ST6GALNAC3: variants seen among roughly 807,000 people sequenced by gnomAD.
The protein encoded by ST6GALNAC3 is ST6 N-acetylgalactosaminide alpha-2,6-sialyltransferase 3.
Under a neutral mutation model 32.7 loss-of-function variants are expected in ST6GALNAC3, and 25 were observed. The observed-to-expected ratio is 0.76, with a 90% CI of 0.56 to 1.07. The LOEUF (loss-of-function observed/expected upper bound fraction) is 1.07. Ranked by LOEUF, ST6GALNAC3 falls within the 50% of genes least tolerant of loss-of-function variation. The pLI, the probability that ST6GALNAC3 is intolerant of heterozygous loss-of-function variation, is 0.00. For synonymous variants in ST6GALNAC3, 129 were observed against 133.1 expected (o/e 0.97, Z 0.21); for missense variants, 355 against 382.4 (o/e 0.93, Z 0.60).
At chr1:76,246,985 T>C (rs1230008505) in intron 1 of ST6GALNAC3, among the ~76,000 whole-genome samples, 1 of 152,180 alleles carries the variant, frequency 6.6e-6, no homozygotes, top group Non-Finnish European at 1.5e-5. Context: ...GGATGGGGTT[T>C]TTGTGTGGGG....
rs41291526 is a variant in ST6GALNAC3, at chr1:76,629,399, G to A, written c.*593G>A. The stretch of plus-strand genomic sequence containing the variant: ...AGGCCATTGCCTAATTAACAATGAA[G>A]ATTTCATGGACATCCTACACTTCAG... On this transcript the variant is annotated 3_prime_UTR_variant, in exon 5 of 5. Coordinates refer to ENST00000328299, the MANE Select transcript of ST6GALNAC3 (RefSeq NM_152996.4). 0.14 allele frequency: 138,644 copies of A among 984,608 alleles called. 10,376 individuals are homozygous for A. The highest frequency in any genetic ancestry group is 0.24 in the Admixed American group (3,815 of 16,206). The allele number at this position is 984,608 out of a possible 1,614,324, so 61.0% of individuals were successfully genotyped here. A position where few individuals can be genotyped will look rare whatever the true frequency, so the allele number is the denominator to read the frequency against.
chr1:76,310,820 G>C (rs892854985), intron 1 of ST6GALNAC3, among the ~76,000 whole-genome samples: 1 of 152,172 alleles, frequency 6.6e-6, no homozygotes, highest in Non-Finnish European at 1.5e-5. Flanking sequence ...TCTTTACCCT[G>C]CACTTCATGG....
intron 1 of ST6GALNAC3, among the ~76,000 whole-genome samples, chr1:76,128,900 C>T (rs933619973): frequency 6.6e-6 from 1 of 152,138 alleles, no homozygotes; most frequent in Non-Finnish European, 1.5e-5. Flanking sequence ...AGGTAGATTG[C>T]TTTTCCTGAA....
intron 3 of ST6GALNAC3, among the ~76,000 whole-genome samples, chr1:76,498,181 G>T (rs539990404): frequency 1.3e-5 from 2 of 152,328 alleles, no homozygotes; most frequent in East Asian, 3.9e-4. Context: ...TTTGCACCTG[G>T]TGGCCAAGTC....
chr1:76,442,840 T>A (rs923121614), intron 3 of ST6GALNAC3, among the ~76,000 whole-genome samples: 2 of 152,206 alleles, frequency 1.3e-5, no homozygotes, highest in Admixed American at 1.3e-4. Context: ...GAGATTTGAG[T>A]AGAAACAACT....
At chr1:76,257,985 C>A (rs1490475421) in intron 1 of ST6GALNAC3, among the ~76,000 whole-genome samples, 2 of 152,158 alleles carry the variant, frequency 1.3e-5, no homozygotes, top group Non-Finnish European at 2.9e-5. Flanking sequence ...GACTCAGACA[C>A]TGGTATCCCA....
chr1:76,288,099 C>T (rs2100808044), intron 1 of ST6GALNAC3, among the ~76,000 whole-genome samples: 1 of 152,270 alleles, frequency 6.6e-6, no homozygotes, highest in East Asian at 1.9e-4. Flanking sequence ...ACTAAGAGGC[C>T]AGACTCTTCT....
chr1:76,635,554 G>A (rs1449173126), downstream of ST6GALNAC3, among the ~76,000 whole-genome samples: 1 of 152,104 alleles, frequency 6.6e-6, no homozygotes, highest in Non-Finnish European at 1.5e-5. Flanking sequence ...TGGAACCAAG[G>A]CAGTTTGGCC....
rs1373771759 is a variant in ST6GALNAC3, at chr1:76,600,291, TG to T, written c.624-27159del. 5.3e-5 allele frequency among the ~76,000 whole-genome samples: 8 copies of T among 152,172 alleles called. No individual in the cohort carries two copies. In the East Asian group the frequency reaches 1.5e-3, roughly 29 times the overall value. ...CTCAGACTTCCAGCCTCCAGAACTG[TG>T]GAAAATGAGTTTCTGTTGTTTCTAA... On this transcript the variant is annotated intron_variant, in intron 3 of 4. Transcript: ENST00000328299.
chr1:76,488,010 G>A (rs577932961), intron 3 of ST6GALNAC3, among the ~76,000 whole-genome samples: 5 of 152,252 alleles, frequency 3.3e-5, no homozygotes, highest in African/African-American at 1.2e-4. Flanking sequence ...CTGTTTGCCT[G>A]GGTATCAGCA....
At chr1:76,226,151 G>A (rs938115719) in intron 1 of ST6GALNAC3, among the ~76,000 whole-genome samples, 5 of 152,168 alleles carry the variant, frequency 3.3e-5, no homozygotes, top group African/African-American at 4.8e-5. Context: ...AAAACACCAC[G>A]CTCAGGGTTT....
intron 3 of ST6GALNAC3, among the ~76,000 whole-genome samples, chr1:76,616,379 GCAAT>G (rs901769850): frequency 2.0e-5 from 3 of 152,082 alleles, no homozygotes; most frequent in African/African-American, 7.2e-5. Flanking sequence ...ACCTTAATGG[GCAAT>G]CAGCTTATTT....
At chr1:76,483,914 G>C (rs1557472451) in intron 3 of ST6GALNAC3, among the ~76,000 whole-genome samples, 1 of 128,538 alleles carries the variant, frequency 7.8e-6, no homozygotes, top group East Asian at 2.1e-4. Flanking sequence ...TGCAAGGAAG[G>C]CATCCAGTTT....
chr1:76,147,151 C>T (rs1396048615), intron 1 of ST6GALNAC3, among the ~76,000 whole-genome samples: 6 of 151,686 alleles, frequency 4.0e-5, no homozygotes, highest in Non-Finnish European at 8.8e-5. Context: ...CGACCTCTGC[C>T]TCCTGGGTTC....
At chr1:76,463,478 C>A (rs1658419216) in intron 3 of ST6GALNAC3, among the ~76,000 whole-genome samples, 1 of 152,112 alleles carries the variant, frequency 6.6e-6, no homozygotes, top group African/African-American at 2.4e-5. Context: ...TCTGCAGAGC[C>A]AAGCTTTTGA....
intron 2 of ST6GALNAC3, among the ~76,000 whole-genome samples, chr1:76,354,762 G>C (rs550241627): frequency 5.9e-5 from 9 of 152,246 alleles, no homozygotes; most frequent in African/African-American, 1.9e-4. Flanking sequence ...TGTTGGTTTG[G>C]GGGGATGTAT....
intron 1 of ST6GALNAC3, among the ~76,000 whole-genome samples, chr1:76,241,920 T>C (rs549064259): frequency 4.3e-4 from 66 of 152,212 alleles, no homozygotes; most frequent in Non-Finnish European, 6.2e-4. Flanking sequence ...TAAAGTATTG[T>C]AATTTAGTGC....
intron 3 of ST6GALNAC3, among the ~76,000 whole-genome samples, chr1:76,528,649 G>A (rs1663064934): frequency 6.6e-6 from 1 of 151,802 alleles, no homozygotes; most frequent in Admixed American, 6.6e-5. Context: ...TTAGGATAGT[G>A]TTTGTTGCCC....
intron 1 of ST6GALNAC3, among the ~76,000 whole-genome samples, chr1:76,206,760 C>A (rs977760786): frequency 1.4e-4 from 21 of 151,966 alleles, no homozygotes; most frequent in African/African-American, 4.6e-4. Flanking sequence ...GTTAGAAAGG[C>A]CTTCAATAGA....
Sources: gnomAD v4.1 joint callset for allele counts (sites outside exome capture counted in the v4.1 genomes callset) on GRCh38, gnomAD v4.1.1 for gene constraint, MANE v1.5 for transcripts, NCBI Gene and HGNC (gene_info 2026-07-23, HGNC 2026-07-21) for gene names.